Variants in SUFU observed in about 807,000 individuals in gnomAD.
The protein encoded by SUFU is suppressor of fused homolog.
In SUFU, 7 loss-of-function variants were observed where a neutral mutation model predicts 58.9. The observed-to-expected ratio is 0.12, with a 90% CI of 0.07 to 0.22. The LOEUF (loss-of-function observed/expected upper bound fraction) is 0.22, where lower values mean the gene tolerates loss of function less well. Ranked by LOEUF, SUFU falls within the 10% of genes least tolerant of loss-of-function variation. The pLI is 1.00. For missense variants in SUFU, 451 were observed against 641.3 expected, an observed-to-expected ratio of 0.70 and a Z score of 3.20; for synonymous variants, 232 against 254.8, an observed-to-expected ratio of 0.91 and a Z score of 0.85.
At chr10:102,582,410 T>C (rs2063290746) in intron 3 of SUFU, among the ~76,000 whole-genome samples, 1 of 152,178 alleles carries the variant, frequency 6.6e-6, no homozygotes, top group Admixed American at 6.6e-5. Context: ...TGTTTTCTTC[T>C]GCAACCCCTC....
rs542362538 is a variant in SUFU at position 102,540,432 on chromosome 10, C to G, written c.318-9538C>G. On this transcript the variant is annotated intron_variant, in intron 2 of 11. Transcript: ENST00000369902. ...TTGGGAGGCCCAAGTGGGTGGATCA[C>G]TTGAGGTCAGTAGTTCAAGACCAGC... is the stretch of plus-strand genomic sequence containing the variant. 3.3e-5 allele frequency among the ~76,000 whole-genome samples: 5 copies of G among 152,270 alleles called. No homozygotes were observed. The South Asian group carries it at 1.0e-3, about 32-fold the overall frequency.
At chr10:102,572,649 AACTGCTGAGATT>A (rs918946534) in intron 3 of SUFU, 6 of 515,668 alleles carry the variant, frequency 1.2e-5, no homozygotes, top group African/African-American at 5.8e-5. Context: ...TGGCCTCCCA[AACTGCTGAGATT>A]ACAGGTGTGA....
chr10:102,578,350 G>A (rs1429794401), intron 3 of SUFU, among the ~76,000 whole-genome samples: 1 of 151,824 alleles, frequency 6.6e-6, no homozygotes, highest in East Asian at 2.0e-4. Flanking sequence ...GGCCGAGGTG[G>A]GTGGATCACT....
In SUFU at chr10:102,615,143, C is replaced by T. The variant is rs539891821; in HGVS notation, c.1023-125C>T. 198 of 1,385,800 alleles carry T rather than the reference C, an allele frequency of 1.4e-4. 1 individual carries two copies. The highest frequency in any genetic ancestry group is 2.0e-4 in the Non-Finnish European group (197 of 991,824). The allele number at this position is 1,385,800 out of a possible 1,614,324, so 85.8% of individuals were successfully genotyped here. On this transcript the variant is annotated intron_variant, in intron 8 of 11. Coordinates refer to ENST00000369902, the MANE Select transcript of SUFU (RefSeq NM_016169.4). ...CAGGCATATACAGAATGATGGCTGT[C>T]ACCATCATTATCATCAGTCACCATT... is the stretch of plus-strand genomic sequence containing the variant.
intron 3 of SUFU, chr10:102,572,930 C>CA (rs2063177003): frequency 3.8e-6 from 4 of 1,045,406 alleles, no homozygotes; most frequent in Non-Finnish European, 5.9e-6. Context: ...TTAACATCCA[C>CA]AGTGAACACA....
intron 2 of SUFU, among the ~76,000 whole-genome samples, chr10:102,539,560 A>T (rs1046653219): frequency 5.9e-5 from 9 of 152,080 alleles, no homozygotes; most frequent in Non-Finnish European, 1.3e-4. Flanking sequence ...TTCTCATCAG[A>T]TTTTTTACCC....
At position 102,619,461 on chromosome 10, in the gene SUFU, C is replaced by G. The variant is rs2135940106; in HGVS notation, c.1296+2033C>G. The G allele has an allele frequency of 7.8e-7, 1 of 1,277,358 alleles. No individual in the cohort carries two copies. The highest frequency in any genetic ancestry group is 1.0e-6 in the Non-Finnish European group (1 of 1,002,660). The allele number at this position is 1,277,358 out of a possible 1,614,324, so 79.1% of individuals were successfully genotyped here. On this transcript the variant is annotated intron_variant, in intron 10 of 11. Coordinates refer to ENST00000369902, the MANE Select transcript of SUFU (RefSeq NM_016169.4). This position sits in a 1 kb window ranked among gnomAD's most constrained non-coding sequence, Gnocchi z 4.2. The stretch of plus-strand genomic sequence containing the variant: ...TAAAGTTGCTGTGCTGGGAGCTACT[C>G]AATCAAAGGCCTGTGTTATGGGCTC...
chr10:102,540,958 G>T (rs1045202483), intron 2 of SUFU, among the ~76,000 whole-genome samples: 2 of 151,968 alleles, frequency 1.3e-5, no homozygotes, highest in African/African-American at 2.4e-5. Context: ...GGAGGCGGAG[G>T]TTGCAGTGAT....
In SUFU at chr10:102,630,530, G is replaced by T; in HGVS notation, c.*375G>T. The stretch of plus-strand genomic sequence containing the variant: ...CCCCTGCCGCACAGCCCAGCAGGAG[G>T]GAGGCGGACAGCCAGATGCAGAGCG... On this transcript the variant is annotated 3_prime_UTR_variant, in exon 12 of 12. Transcript: ENST00000369902. 1 of 417,556 alleles carries T rather than the reference G, an allele frequency of 2.4e-6. No individual in the cohort carries two copies. The highest frequency in any genetic ancestry group is 4.0e-5 in the East Asian group (1 of 24,734). The allele number at this position is 417,556 out of a possible 1,614,324, so 25.9% of individuals were successfully genotyped here.
At chr10:102,519,044 G>A (rs756168396) in intron 2 of SUFU, among the ~76,000 whole-genome samples, 2 of 151,316 alleles carry the variant, frequency 1.3e-5, no homozygotes, top group Non-Finnish European at 2.9e-5. Context: ...GGGAGGCTGA[G>A]GCAGGAGAAT....
At chr10:102,608,111 C>G (rs946752755) in intron 8 of SUFU, among the ~76,000 whole-genome samples, 1 of 151,584 alleles carries the variant, frequency 6.6e-6, no homozygotes, top group Non-Finnish European at 1.5e-5. Flanking sequence ...ATAATCCCAG[C>G]TCTTCGGGAG....
chr10:102,608,701 C>A (rs2063588697), intron 8 of SUFU, among the ~76,000 whole-genome samples: 1 of 152,132 alleles, frequency 6.6e-6, no homozygotes, highest in Admixed American at 6.5e-5. Context: ...AGAGGAGGTC[C>A]CCACAGCGTT....
At chr10:102,571,496 C>G (rs2063159879) in intron 3 of SUFU, among the ~76,000 whole-genome samples, 1 of 129,892 alleles carries the variant, frequency 7.7e-6, no homozygotes, top group Non-Finnish European at 1.6e-5. Flanking sequence ...GAAACCCTGT[C>G]TCTACTAAAA....
rs1345278389 is a variant in SUFU at position 102,629,658 on chromosome 10, C to A, written c.1366-408C>A. On this transcript the variant is annotated intron_variant, in intron 11 of 11. Transcript: ENST00000369902. This position sits in a 1 kb window ranked among gnomAD's most constrained non-coding sequence, Gnocchi z 4.7. ...CTGCACTAGCCTCTGAAAGAGAGGC[C>A]ATGGCAGTGACAGAGCTCAGGCCAC... 6.6e-6 allele frequency among the ~76,000 whole-genome samples: 1 copy of A among 152,196 alleles called. No homozygotes were observed. The highest frequency in any genetic ancestry group is 1.5e-5 in the Non-Finnish European group (1 of 68,024).
rs569303481 is a variant in SUFU, at chr10:102,572,691, C to CT, written c.455-19883dup. On this transcript the variant is annotated intron_variant, in intron 3 of 11. Coordinates refer to ENST00000369902, the MANE Select transcript of SUFU (RefSeq NM_016169.4). ...GTGTGAGTGAGCCACCATGCCCAGC[C>CT]TTTTTTTTGTTGTTGTTATGGTGAA... 4.3e-4 allele frequency: 277 copies of CT among 644,330 alleles called. 1 individual carries two copies. In the East Asian group the frequency reaches 6.1e-3, roughly 14 times the overall value. 39.9% of individuals were successfully genotyped at this position (644,330 alleles called of 1,614,324 possible). A position where few individuals can be genotyped will look rare whatever the true frequency, so the allele number is the denominator to read the frequency against.
At chr10:102,622,984 T>A (rs1219345082) in intron 10 of SUFU, among the ~76,000 whole-genome samples, 2 of 55,528 alleles carry the variant, frequency 3.6e-5, no homozygotes, top group African/African-American at 1.6e-4. Flanking sequence ...AGAGCAAAAC[T>A]CCGTCTCAAA....
At chr10:102,545,568 G>A (rs1227262031) in intron 2 of SUFU, among the ~76,000 whole-genome samples, 1 of 152,128 alleles carries the variant, frequency 6.6e-6, no homozygotes, top group Non-Finnish European at 1.5e-5. Flanking sequence ...CCCTAATGAT[G>A]TGCAAGTATT....
At chr10:102,547,542 C>T (rs1049061078) in intron 2 of SUFU, among the ~76,000 whole-genome samples, 4 of 152,194 alleles carry the variant, frequency 2.6e-5, no homozygotes, top group African/African-American at 7.2e-5. Flanking sequence ...CATAGTTGGG[C>T]CAGGTGCTGT....
At chr10:102,508,530 TGCAGAACTAAG>T (rs2062358879) in intron 1 of SUFU, among the ~76,000 whole-genome samples, 1 of 152,224 alleles carries the variant, frequency 6.6e-6, no homozygotes, top group Non-Finnish European at 1.5e-5. Context: ...CAGTTCTCTG[TGCAGAACTAAG>T]TTAAGCCTAA....
Sources: gnomAD v4.1 joint callset for allele counts (sites outside exome capture counted in the v4.1 genomes callset) on GRCh38, gnomAD v4.1.1 for gene constraint, Gnocchi (gnomAD v3.1) non-coding constraint, MANE v1.5 for transcripts, NCBI Gene and HGNC (gene_info 2026-07-23, HGNC 2026-07-21) for gene names.